FREM1: variants seen among roughly 807,000 people sequenced by gnomAD.
The protein encoded by FREM1 is FRAS1-related extracellular matrix protein 1.
A neutral mutation model predicts 210.1 loss-of-function variants in FREM1; 220 were observed. That is an observed-to-expected ratio of 1.05 (90% confidence interval 0.94 to 1.17). FREM1 has a LOEUF of 1.17. Among genes scored for constraint, FREM1 ranks in the 50% most tolerant of loss-of-function variants. The probability of loss-of-function intolerance (pLI) is 0.00; values close to 1 mark genes in which losing one functional copy is unlikely to be tolerated. For missense variants in FREM1, 3,454 were observed against 2,675.5 expected, an observed-to-expected ratio of 1.29 and a Z score of -6.42; for synonymous variants, 1,189 against 980.2, an observed-to-expected ratio of 1.21 and a Z score of -3.98.
intron 4 of FREM1, 102 bp downstream of exon 4, chr9:14,859,081 T>C (rs1829327970): frequency 6.4e-6 from 6 of 944,260 alleles, no homozygotes; most frequent in Non-Finnish European, 9.2e-6. Flanking sequence ...CCAGCTAAAA[T>C]GACTAGTTAA....
chr9:14,828,282 G>C (rs537276643), intron 10 of FREM1, among the ~76,000 whole-genome samples: 1 of 152,344 alleles, frequency 6.6e-6, no homozygotes, highest in South Asian at 2.1e-4. Flanking sequence ...CAGAGTCAAA[G>C]AAGATTATTC....
chr9:14,808,282 T>C, intron 16 of FREM1, 148 bp from the exon 17 acceptor site: 1 of 555,888 alleles, frequency 1.8e-6, no homozygotes, highest in Non-Finnish European at 3.0e-6. Context: ...ATTTTATCAC[T>C]ATGAAATTAA....
chr9:14,772,963 A>G (rs1042662656), intron 25 of FREM1, among the ~76,000 whole-genome samples: 7 of 152,364 alleles, frequency 4.6e-5, no homozygotes, highest in East Asian at 3.9e-4. Flanking sequence ...AAGGACATCT[A>G]AACTCTAGCA....
At chr9:14,845,923 T>C (rs2131290397) in intron 8 of FREM1, 37 bp downstream of exon 8, 5 of 1,609,240 alleles carry the variant, frequency 3.1e-6, no homozygotes, top group Non-Finnish European at 4.2e-6. Flanking sequence ...AAAATACTTT[T>C]GGATTCTTTG....
intron 10 of FREM1, among the ~76,000 whole-genome samples, chr9:14,831,518 T>C (rs1237176115): frequency 6.6e-6 from 1 of 152,260 alleles, no homozygotes; most frequent in African/African-American, 2.4e-5. Flanking sequence ...AATGGCCATT[T>C]GGTTCCTACA....
At chr9:14,782,376 C>T in intron 24 of FREM1, 1 of 979,836 alleles carries the variant, frequency 1.0e-6, no homozygotes, top group Non-Finnish European at 1.2e-6. Flanking sequence ...ATCTAACCTT[C>T]ATTTCTGAAC....
intron 1 of FREM1, among the ~76,000 whole-genome samples, chr9:14,891,624 T>C (rs925861150): frequency 6.6e-6 from 1 of 152,170 alleles, no homozygotes; most frequent in South Asian, 2.1e-4. Context: ...TTTTATGGTA[T>C]AGGACTAAAT....
intron 1 of FREM1, among the ~76,000 whole-genome samples, chr9:14,886,262 G>A (rs1410168405): frequency 6.6e-6 from 1 of 151,668 alleles, no homozygotes; most frequent in Non-Finnish European, 1.5e-5. Context: ...GCACACGCCT[G>A]TAAATCCCAG....
chr9:14,819,148 C>T, intron 14 of FREM1, 86 bp downstream of exon 14: 1 of 951,744 alleles, frequency 1.1e-6, no homozygotes, highest in Middle Eastern at 3.4e-4. Context: ...AGAAATTGGA[C>T]AAACTTCTTT....
Position 14,863,197 on chromosome 9 carries a change from C to T in FREM1, c.329+612G>A, listed in dbSNP as rs961229056. 2.6e-5 allele frequency among the ~76,000 whole-genome samples: 4 copies of T among 151,678 alleles called. No homozygotes were observed. In the East Asian group the frequency reaches 5.8e-4, roughly 22 times the overall value. On this transcript the variant is annotated intron_variant, in intron 3 of 36. Transcript: ENST00000380880. ...TCTACTAAAAATACAACAAATTAGC[C>T]GGGCGTAGTGGTGGGCGCCTGTAGT...
At chr9:14,752,914 G>T (rs1464795641) in intron 29 of FREM1, among the ~76,000 whole-genome samples, 1 of 152,120 alleles carries the variant, frequency 6.6e-6, no homozygotes, top group Admixed American at 6.5e-5. Flanking sequence ...TTACGGAGTA[G>T]AACCAGATGG....
At position 14,775,206 on chromosome 9, in the gene FREM1, G is replaced by A. The variant is rs150868501; in HGVS notation, c.4857+583C>T. ...GTTAAAGAACTCTTTAAGGTCAGAC[G>A]GCTAATACATTGCAAAGCAGAAATT... On this transcript the variant is annotated intron_variant, in intron 25 of 36. Transcript: ENST00000380880. Among the ~76,000 whole-genome samples the A allele has an allele frequency of 1.3e-4, 20 of 152,220 alleles. No individual in the cohort carries two copies. In the East Asian group the frequency reaches 1.4e-3, roughly 10 times the overall value.
chr9:14,752,838 T>C (rs943374242), intron 29 of FREM1, among the ~76,000 whole-genome samples: 2 of 152,010 alleles, frequency 1.3e-5, no homozygotes, highest in Non-Finnish European at 2.9e-5. Context: ...TTTTTAAAAT[T>C]ATAGTACCCC....
intron 1 of FREM1, among the ~76,000 whole-genome samples, chr9:14,885,980 G>T (rs1256899267): frequency 1.3e-5 from 2 of 152,024 alleles, no homozygotes; most frequent in Non-Finnish European, 2.9e-5. Context: ...CCTTTGATCA[G>T]CACCTCCCCA....
rs777206342 is a variant in FREM1, at chr9:14,805,138, T to G, written c.3289A>C (p.Lys1097Gln). 8 of 1,565,984 alleles carry G rather than the reference T, an allele frequency of 5.1e-6. No homozygotes were observed. Among genetic ancestry groups the G allele is most frequent in the Non-Finnish European group, 6.1e-6 (7 of 1,154,758 alleles). Residue 1097 changes from lysine (K) to glutamine (Q), a missense_variant, in exon 19 of 37, where the codon AAA becomes CAA. Lys to Gln is a moderately conservative substitution (Grantham distance 53). Coordinates refer to ENST00000380880, the MANE Select transcript of FREM1 (RefSeq NM_001379081.2). ...TTAATGTGAAAAGCGTTCATGTCTT[T>G]CCACTGAAATGAATCTAGAGCACAC... ...IGISIDSFQW[K>Q]DMNAFHINYV...
Position 14,805,158 on chromosome 9 carries a change from G to T in FREM1, c.3275-6C>A. 6.5e-7 allele frequency: 1 copy of T among 1,531,346 alleles called. No individual in the cohort carries two copies. The highest frequency in any genetic ancestry group is 1.3e-5 in the South Asian group (1 of 75,116). 94.9% of individuals were successfully genotyped at this position (1,531,346 alleles called of 1,614,324 possible). A position where few individuals can be genotyped will look rare whatever the true frequency, so the allele number is the denominator to read the frequency against. ...GTCTTTCCACTGAAATGAATCTAGA[G>T]CACACCAAGATGGAACAGATAAATA... On this transcript the variant is annotated splice_polypyrimidine_tract_variant and splice_region_variant and intron_variant, in intron 18 of 36. Coordinates refer to ENST00000380880, the MANE Select transcript of FREM1 (RefSeq NM_001379081.2).
intron 27 of FREM1, among the ~76,000 whole-genome samples, chr9:14,762,573 T>C (rs1053089305): frequency 1.1e-4 from 17 of 152,168 alleles, no homozygotes; most frequent in Non-Finnish European, 1.0e-4. Context: ...ATAACGTTTA[T>C]AGGTCAAGGT....
intron 1 of FREM1, among the ~76,000 whole-genome samples, chr9:14,871,112 C>T (rs1011322467): frequency 2.0e-5 from 3 of 152,090 alleles, no homozygotes; most frequent in African/African-American, 7.2e-5. Context: ...CTGCAATAAA[C>T]ATACGTGTGC....
intron 1 of FREM1, among the ~76,000 whole-genome samples, chr9:14,872,791 T>C (rs1313042425): frequency 1.3e-5 from 2 of 152,062 alleles, no homozygotes; most frequent in South Asian, 2.1e-4. Context: ...TTCAGTATGA[T>C]ATTGGCTGTG....
Sources: allele counts gnomAD v4.1 joint callset (sites outside exome capture counted in the v4.1 genomes callset), GRCh38; gene constraint gnomAD v4.1.1; transcripts MANE v1.5; gene names NCBI Gene and HGNC (gene_info 2026-07-23, HGNC 2026-07-21).